The following ADGRB3 variants were observed in gnomAD, a reference collection of about 807,000 sequenced individuals.
ADGRB3 encodes adhesion G protein-coupled receptor B3.
Under a neutral mutation model 193.4 loss-of-function variants are expected in ADGRB3, and 37 were observed. The ratio of observed to expected loss-of-function variants is 0.19; its 90% confidence interval spans 0.15 to 0.25. The LOEUF is 0.25. Ranked by LOEUF, ADGRB3 falls within the 10% of genes least tolerant of loss-of-function variation. The pLI is 1.00. For missense variants in ADGRB3, 1,637 were observed against 1,852.9 expected, an observed-to-expected ratio of 0.88 and a Z score of 2.14; for synonymous variants, 690 against 644.2, an observed-to-expected ratio of 1.07 and a Z score of -1.08.
At chr6:68,648,519 G>C (rs886461639) in intron 3 of ADGRB3, among the ~76,000 whole-genome samples, 3 of 148,684 alleles carry the variant, frequency 2.0e-5, no homozygotes, top group Admixed American at 6.8e-5. Flanking sequence ...AAAGACATTG[G>C]AACGCTGATG....
At chr6:68,897,347 G>A (rs983086421) in intron 3 of ADGRB3, among the ~76,000 whole-genome samples, 2 of 144,546 alleles carry the variant, frequency 1.4e-5, no homozygotes, top group Non-Finnish European at 3.0e-5. Context: ...GGCAACAGAG[G>A]TTATTTCGTC....
At chr6:69,288,019 A>G (rs1767588364) in intron 20 of ADGRB3, among the ~76,000 whole-genome samples, 1 of 152,160 alleles carries the variant, frequency 6.6e-6, no homozygotes, top group Non-Finnish European at 1.5e-5. Context: ...ATGCAGTAGC[A>G]ATAAAACTTG....
At chr6:69,043,000 G>T (rs970175699) in intron 13 of ADGRB3, among the ~76,000 whole-genome samples, 1 of 152,052 alleles carries the variant, frequency 6.6e-6, no homozygotes, top group African/African-American at 2.4e-5. Flanking sequence ...GAGTTACTGC[G>T]TTTACCACTT....
At chr6:69,337,358 T>C (rs1768874494) in intron 24 of ADGRB3, among the ~76,000 whole-genome samples, 1 of 152,026 alleles carries the variant, frequency 6.6e-6, no homozygotes, top group Non-Finnish European at 1.5e-5. Context: ...AATGTTTAGT[T>C]AGAGAAGTGG....
At chr6:68,863,579 T>G (rs1265999353) in intron 3 of ADGRB3, among the ~76,000 whole-genome samples, 1 of 152,092 alleles carries the variant, frequency 6.6e-6, no homozygotes, top group Non-Finnish European at 1.5e-5. Context: ...GTTTGCAAAC[T>G]CACACATTTT....
At chr6:68,709,670 G>A (rs751921713) in intron 3 of ADGRB3, among the ~76,000 whole-genome samples, 22 of 152,102 alleles carry the variant, frequency 1.4e-4, no homozygotes, top group Non-Finnish European at 2.6e-4. Flanking sequence ...TTTTCAAATA[G>A]TGTCATTTTT....
At chr6:69,063,411 T>TG (rs1363236805) in intron 16 of ADGRB3, among the ~76,000 whole-genome samples, 1 of 152,060 alleles carries the variant, frequency 6.6e-6, no homozygotes, top group Non-Finnish European at 1.5e-5. Flanking sequence ...GCCTGTTAAC[T>TG]GTAGTGGTGC....
At chr6:69,383,908 G>A (rs1013121259) in intron 31 of ADGRB3, among the ~76,000 whole-genome samples, 9 of 151,792 alleles carry the variant, frequency 5.9e-5, no homozygotes, top group African/African-American at 2.2e-4. Flanking sequence ...TTCTTTTCCA[G>A]ACATCAATAT....
chr6:69,113,843 C>G (rs75699390), intron 17 of ADGRB3, among the ~76,000 whole-genome samples: 1 of 152,124 alleles, frequency 6.6e-6, no homozygotes, highest in Non-Finnish European at 1.5e-5. Flanking sequence ...TACTTTAAGT[C>G]TGATTTAGAT....
At chr6:68,871,771 A>G (rs1765462045) in intron 3 of ADGRB3, among the ~76,000 whole-genome samples, 1 of 152,130 alleles carries the variant, frequency 6.6e-6, no homozygotes, top group African/African-American at 2.4e-5. Flanking sequence ...AGAAATATTG[A>G]GCATATGTCT....
chr6:69,200,046 C>T (rs1765387836), intron 17 of ADGRB3, among the ~76,000 whole-genome samples: 1 of 151,762 alleles, frequency 6.6e-6, no homozygotes, highest in African/African-American at 2.4e-5. Flanking sequence ...TATTGTTTCT[C>T]TATTAAGATT....
chr6:69,354,138 A>C, intron 26 of ADGRB3, 95 bp from the exon 27 acceptor site: 1 of 796,948 alleles, frequency 1.3e-6, no homozygotes, highest in Non-Finnish European at 2.2e-6. Context: ...TAGTAAAATC[A>C]GTGATAACCA....
chr6:68,786,425 T>G (rs1420595462), intron 3 of ADGRB3, among the ~76,000 whole-genome samples: 8 of 152,048 alleles, frequency 5.3e-5, no homozygotes, highest in East Asian at 1.9e-4. Context: ...TTTCCCCATT[T>G]CTTGTTTTTG....
intron 17 of ADGRB3, among the ~76,000 whole-genome samples, chr6:69,216,879 T>A (rs1253328614): frequency 6.6e-6 from 1 of 152,194 alleles, no homozygotes; most frequent in Non-Finnish European, 1.5e-5. Flanking sequence ...AGAGAGGAAC[T>A]GCACGCATTC....
intron 3 of ADGRB3, among the ~76,000 whole-genome samples, chr6:68,677,443 CTTGAA>C (rs1231280098): frequency 1.3e-5 from 2 of 151,608 alleles, no homozygotes; most frequent in African/African-American, 4.8e-5. Flanking sequence ...TTTCCCCCAA[CTTGAA>C]TGTTTCAATG....
chr6:69,332,470 C>T, intron 23 of ADGRB3: 1 of 985,386 alleles, frequency 1.0e-6, no homozygotes. Flanking sequence ...ATTCTGTCCT[C>T]TGTGTTGGGA....
chr6:68,662,158 A>G (rs1768678567), intron 3 of ADGRB3, among the ~76,000 whole-genome samples: 2 of 151,582 alleles, frequency 1.3e-5, no homozygotes, highest in Admixed American at 1.3e-4. Context: ...AAAAACAAAT[A>G]GAATTTGATA....
intron 3 of ADGRB3, among the ~76,000 whole-genome samples, chr6:68,772,889 AAAAAAATATATATATATATAT>A (rs1376430613): frequency 1.4e-4 from 6 of 43,614 alleles, no homozygotes; most frequent in East Asian, 8.2e-4. Flanking sequence ...AAACAAAAAA[AAAAAAATATATATATATATAT>A]ATATATATAT....
chr6:69,378,673 A>T (rs1769883748), intron 30 of ADGRB3, among the ~76,000 whole-genome samples: 1 of 152,034 alleles, frequency 6.6e-6, no homozygotes, highest in Admixed American at 6.6e-5. Context: ...AGGAGATTAG[A>T]TTTTACACTT....
Sources: allele counts gnomAD v4.1 joint callset (sites outside exome capture counted in the v4.1 genomes callset), GRCh38; gene constraint gnomAD v4.1.1; transcripts MANE v1.5; gene names NCBI Gene and HGNC (gene_info 2026-07-23, HGNC 2026-07-21).